Variants in SNX25 observed in about 807,000 individuals in gnomAD.
SNX25 encodes sorting nexin-25.
SNX25 carries 62 observed loss-of-function variants against 113.7 expected under a neutral mutation model. The ratio of observed to expected loss-of-function variants is 0.55; its 90% CI spans 0.44 to 0.67. The LOEUF is 0.67. Among genes scored for constraint, SNX25 ranks in the 30% least tolerant of loss-of-function variants. SNX25 has a pLI of 0.00. For missense variants in SNX25, 1,014 were observed against 1,161.0 expected (o/e 0.87, Z 1.84); for synonymous variants, 421 against 436.2 (o/e 0.97, Z 0.43).
rs868085199 is a variant in SNX25, at chr4:185,339,630, T to C, written c.2046+120T>C. On this transcript the variant is annotated intron_variant, in intron 11 of 18. Coordinates refer to ENST00000652585, the MANE Select transcript of SNX25 (RefSeq NM_001378034.2). Reference sequence around the variant, plus strand: ...CTTACACTCATTCTTTTAGACCATATTTGTCCTACCTTCCTTCCCCCACAA... The same window carrying C: ...CTTACACTCATTCTTTTAGACCATACTTGTCCTACCTTCCTTCCCCCACAA... 19 of 1,282,760 alleles carry C rather than the reference T, an allele frequency of 1.5e-5. No individual in the cohort carries two copies. In the Middle Eastern group the frequency reaches 1.0e-3, roughly 69 times the overall value. The allele number at this position is 1,282,760 out of a possible 1,614,324, so 79.5% of individuals were successfully genotyped here. A position where few individuals can be genotyped will look rare whatever the true frequency, so the allele number is the denominator to read the frequency against.
intron 1 of SNX25, among the ~76,000 whole-genome samples, chr4:185,222,539 A>G (rs1036525350): frequency 2.0e-5 from 3 of 152,064 alleles, no homozygotes; most frequent in African/African-American, 7.2e-5. Flanking sequence ...ACAGCGCCCT[A>G]TATCCCCTTC....
downstream of SNX25, chr4:185,370,605 C>T: frequency 6.2e-7 from 1 of 1,601,754 alleles, no homozygotes; most frequent in Non-Finnish European, 8.5e-7. Context: ...GGCAGTTTCT[C>T]TTTGGGTGAA....
At chr4:185,358,280 G>A (rs1262370319) in intron 16 of SNX25, among the ~76,000 whole-genome samples, 1 of 152,164 alleles carries the variant, frequency 6.6e-6, no homozygotes, top group African/African-American at 2.4e-5. Context: ...CAAGCCATAT[G>A]TCTATTCTAA....
At chr4:185,250,067 T>C (rs1033999665) in intron 2 of SNX25, among the ~76,000 whole-genome samples, 1 of 152,214 alleles carries the variant, frequency 6.6e-6, no homozygotes, top group Non-Finnish European at 1.5e-5. Flanking sequence ...CTAGATTCTT[T>C]TATCTTCCTC....
chr4:185,213,806 A>G lies in SNX25; in HGVS notation c.429+3551A>G, dbSNP rs1219164781. 7.9e-5 allele frequency among the ~76,000 whole-genome samples: 12 copies of G among 152,384 alleles called. No homozygotes were observed. The East Asian group carries it at 1.5e-3, about 20-fold the overall frequency. On this transcript the variant is annotated intron_variant, in intron 1 of 18. Coordinates refer to ENST00000652585, the MANE Select transcript of SNX25 (RefSeq NM_001378034.2). ...AGCAATTCAAAGTACATCTTCTCAC[A>G]GTGGAAAAGAGGACACCATTTCTTA...
intron 1 of SNX25, among the ~76,000 whole-genome samples, chr4:185,214,797 G>A (rs906887606): frequency 6.6e-6 from 1 of 152,202 alleles, no homozygotes; most frequent in Non-Finnish European, 1.5e-5. Context: ...CTGAGTGCTA[G>A]TGTCAGACAC....
chr4:185,377,439 C>A, the SNX25 span: 43,544 of 164,198 alleles, frequency 0.27, 6,590 homozygotes, highest in African/African-American at 0.42. Context: ...AATAGCTTGA[C>A]CCCAGGAGGC....
chr4:185,300,142 C>T (rs1248849394), intron 6 of SNX25, among the ~76,000 whole-genome samples: 1 of 150,514 alleles, frequency 6.6e-6, no homozygotes, highest in African/African-American at 2.4e-5. Context: ...TGATAAGAAT[C>T]ATAACAATGT....
intron 5 of SNX25, among the ~76,000 whole-genome samples, chr4:185,280,021 G>A (rs1750346489): frequency 1.3e-5 from 2 of 151,962 alleles, no homozygotes; most frequent in South Asian, 2.1e-4. Flanking sequence ...CCCATGCTCC[G>A]TCAATCCTCC....
intron 10 of SNX25, among the ~76,000 whole-genome samples, chr4:185,337,688 A>C (rs1276772985): frequency 6.6e-6 from 1 of 152,176 alleles, no homozygotes; most frequent in African/African-American, 2.4e-5. Flanking sequence ...CTACCACAAC[A>C]TCTATACCAT....
At chr4:185,328,037 TC>T (rs745395477) in intron 9 of SNX25, among the ~76,000 whole-genome samples, 1 of 152,232 alleles carries the variant, frequency 6.6e-6, no homozygotes, top group Non-Finnish European at 1.5e-5. Context: ...CTTTTACTTT[TC>T]CCTTAAAAAT....
chr4:185,212,491 G>GTGTTTGTTTTTTTTT (rs546083196), intron 1 of SNX25, among the ~76,000 whole-genome samples: 3 of 104,940 alleles, frequency 2.9e-5, no homozygotes, highest in East Asian at 2.7e-4. Flanking sequence ...GTGTGTGTGT[G>GTGTTTGTTTTTTTTT]TTTTTTTTTT....
intron 13 of SNX25, 32 bp from the exon 14 acceptor site, chr4:185,351,413 C>G (rs569478105): frequency 1.2e-6 from 2 of 1,605,102 alleles, no homozygotes; most frequent in East Asian, 4.5e-5. Context: ...TAGTTTCCCA[C>G]ACTGGAGCAG....
chr4:185,331,386 A>G (rs1028171971), intron 9 of SNX25, among the ~76,000 whole-genome samples: 5 of 152,220 alleles, frequency 3.3e-5, no homozygotes, highest in Non-Finnish European at 7.3e-5. Flanking sequence ...CTCAATGCCC[A>G]GCATTGTACG....
At chr4:185,369,009 G>C (rs751429395) in intron 11 of SNX25, among the ~76,000 whole-genome samples, 3 of 151,868 alleles carry the variant, frequency 2.0e-5, no homozygotes, top group Non-Finnish European at 4.4e-5. Context: ...GGACAGGTTG[G>C]TCTCACACTC....
chr4:185,348,262 A>G (rs2095297932), intron 13 of SNX25, among the ~76,000 whole-genome samples: 1 of 152,236 alleles, frequency 6.6e-6, no homozygotes, highest in African/African-American at 2.4e-5. Context: ...CCTCTGCAGT[A>G]GAAGCTAGAC....
At chr4:185,227,592 A>G (rs1266451433) in intron 1 of SNX25, among the ~76,000 whole-genome samples, 1 of 152,178 alleles carries the variant, frequency 6.6e-6, no homozygotes, top group Non-Finnish European at 1.5e-5. Context: ...CTCAGTAAGC[A>G]TGCATTTATT....
downstream of SNX25, chr4:185,370,759 A>G (rs1226758868): frequency 3.1e-6 from 5 of 1,614,158 alleles, no homozygotes; most frequent in Admixed American, 1.7e-5. Flanking sequence ...TCCGGGAGAC[A>G]GTCTGTGACC....
chr4:185,245,220 CTTTTGA>C (rs930825725), intron 1 of SNX25, among the ~76,000 whole-genome samples: 6 of 146,412 alleles, frequency 4.1e-5, no homozygotes, highest in African/African-American at 1.5e-4. Context: ...ATTGTATATG[CTTTTGA>C]TTACGGTGAT....
Sources: gnomAD v4.1 joint callset for allele counts (sites outside exome capture counted in the v4.1 genomes callset) on GRCh38, gnomAD v4.1.1 for gene constraint, MANE v1.5 for transcripts, NCBI Gene and HGNC (gene_info 2026-07-23, HGNC 2026-07-21) for gene names.